FAT1: variants seen among roughly 807,000 people sequenced by gnomAD.
The protein encoded by FAT1 is protocadherin Fat 1.
Under a neutral mutation model 329.8 loss-of-function variants are expected in FAT1, and 171 were observed. The observed-to-expected ratio is 0.52, with a 90% CI of 0.46 to 0.59. The LOEUF (loss-of-function observed/expected upper bound fraction) is 0.59. Ranked by LOEUF, FAT1 falls within the 20% of genes least tolerant of loss-of-function variation. The pLI, the probability that FAT1 is intolerant of heterozygous loss-of-function variation, is 0.00. For synonymous variants in FAT1, 2,233 were observed against 2,228.6 expected (o/e 1.00, Z -0.06); for missense variants, 5,672 against 5,774.4 (o/e 0.98, Z 0.57).
chr4:186,604,515 G>A lies in FAT1; in HGVS notation c.10410C>T (p.Ser3470=), dbSNP rs2126439564. 1.2e-6 allele frequency: 2 copies of A among 1,613,716 alleles called. No individual in the cohort carries two copies. Among genetic ancestry groups the A allele is most frequent in the Admixed American group, 1.7e-5 (1 of 60,018 alleles). Residue 3470 remains serine (S), a synonymous_variant, in exon 18 of 27, where the codon TCC becomes TCT. Coordinates refer to ENST00000441802, the MANE Select transcript of FAT1 (RefSeq NM_005245.4). ...LQLVVTDEDS[S]HNGPPFFFTI... is the part of the protein sequence containing the mutation. ...TAAAGAAGAAGGGTGGACCGTTATG[G>A]GAAGAATCCTCATCTGTTACTACCA... is the stretch of plus-strand genomic sequence containing the variant.
chr4:186,724,133 C>G (rs1040797063), upstream of FAT1, among the ~76,000 whole-genome samples: 7 of 127,280 alleles, frequency 5.5e-5, no homozygotes, highest in African/African-American at 2.3e-4. The surrounding 1 kb of genome is among the most constrained non-coding windows in gnomAD (Gnocchi z 5.3). Context: ...AGGCGCTGTG[C>G]AAGGAATTGG....
chr4:186,635,627 A>G (rs1298935787), intron 6 of FAT1, among the ~76,000 whole-genome samples: 1 of 152,200 alleles, frequency 6.6e-6, no homozygotes, highest in Non-Finnish European at 1.5e-5. Flanking sequence ...AAATGTTCCA[A>G]TCATATTCAC....
intron 2 of FAT1, among the ~76,000 whole-genome samples, chr4:186,674,673 G>A (rs1420099619): frequency 1.3e-5 from 2 of 152,066 alleles, no homozygotes; most frequent in Non-Finnish European, 2.9e-5. Flanking sequence ...AAGAAAAAAG[G>A]ATATTAAAAA....
rs1306031182 is a variant in FAT1 at position 186,621,223 on chromosome 4, C to G, written c.5363G>C (p.Arg1788Thr). 32 of 1,613,900 alleles carry G rather than the reference C, an allele frequency of 2.0e-5. No homozygotes were observed. The highest frequency in any genetic ancestry group is 2.7e-5 in the Non-Finnish European group (32 of 1,179,880). The change falls in exon 10 of 27, where the codon AGG (arginine) becomes ACG (threonine). Residue 1788 changes from arginine (R) to threonine (T), a missense_variant. This residue lies in a region of FAT1 where 3,966 missense variants were observed against 3,915.2 expected (regional missense o/e 1.01). Coordinates refer to ENST00000441802, the MANE Select transcript of FAT1 (RefSeq NM_005245.4). ...TGCTCGAATCACCAGTGGGACATTC[C>G]TGTCTGTTAGGACCACGCTGTTAAT... ...ASINSVVLTD[R>T]NVPLVIRAAD...
intron 11 of FAT1, among the ~76,000 whole-genome samples, chr4:186,616,431 C>A (rs1443909997): frequency 1.3e-5 from 2 of 152,096 alleles, no homozygotes; most frequent in African/African-American, 2.4e-5. Flanking sequence ...TTACTGCCCC[C>A]CGAAGCTGAG....
chr4:186,722,487 T>C (rs1350851203), intron 1 of FAT1, among the ~76,000 whole-genome samples: 5 of 152,222 alleles, frequency 3.3e-5, no homozygotes, highest in Non-Finnish European at 4.4e-5. Context: ...ACATCTTAAA[T>C]ACAAAGGAAT....
At position 186,620,046 on chromosome 4, in the gene FAT1, A is replaced by C. The variant is rs781503430; in HGVS notation, c.6540T>G (p.Pro2180=). Residue 2180 remains proline, a synonymous_variant, in exon 10 of 27, where the codon CCT becomes CCG. Coordinates refer to ENST00000441802, the MANE Select transcript of FAT1 (RefSeq NM_005245.4). ...CACTGTAGAAAGGTTTTTCAAACAC[A>C]GGCATGGCTTTATTCATGACAGTGA... ...VPITVMNKAM[P]VFEKPFYSAE... 1 of 1,614,042 alleles carries C rather than the reference A, an allele frequency of 6.2e-7. No homozygotes were observed. Among genetic ancestry groups the C allele is most frequent in the Admixed American group, 1.7e-5 (1 of 60,028 alleles).
chr4:186,708,465 C>G lies in FAT1; in HGVS notation c.1363G>C (p.Gly455Arg), dbSNP rs369596981. The G allele has an allele frequency of 6.2e-7, 1 of 1,613,968 alleles. No homozygotes were observed. The highest frequency in any genetic ancestry group is 8.5e-7 in the Non-Finnish European group (1 of 1,179,884). Residue 455 changes from glycine (G) to arginine (R), a missense_variant, in exon 2 of 27, where the codon GGT (glycine) becomes CGT (arginine). Gly to Arg is a moderately radical substitution (Grantham distance 125). Coordinates refer to ENST00000441802, the MANE Select transcript of FAT1 (RefSeq NM_005245.4). ...AATTCAGGGGGATTGCTATTTGCAC[C>G]TAAGACTTTCACCAAGACCTTGGTG... is the stretch of plus-strand genomic sequence containing the variant. ...ASTKVLVKVL[G>R]ANSNPPEFTQ...
rs1385286181 is a variant in FAT1, at chr4:186,617,158, A to T, written c.8922T>A (p.Asn2974Lys). The T allele has an allele frequency of 8.7e-6, 14 of 1,613,378 alleles. No homozygotes were observed. The highest frequency in any genetic ancestry group is 1.1e-5 in the Non-Finnish European group (13 of 1,179,646). Residue 2974 changes from asparagine to lysine, a missense_variant, in exon 11 of 27, where the codon AAT (asparagine) becomes AAA (lysine). Coordinates refer to ENST00000441802, the MANE Select transcript of FAT1 (RefSeq NM_005245.4). ...LGQFAVETIQ[N>K]EWKVYVKKPL... ...GTTTCTTCACATATACCTTCCATTCATTCTGTATAGTTTCAACGGCAAACT... is the reference window on the plus strand; with the variant it reads ...GTTTCTTCACATATACCTTCCATTCTTTCTGTATAGTTTCAACGGCAAACT...
Position 186,588,911 on chromosome 4 carries a change from C to G in FAT1, c.13448G>C (p.Arg4483Thr), listed in dbSNP as rs202146434. ...SLGSSSRNRQ[R>T]FNLNQYLPNF... The stretch of plus-strand genomic sequence containing the variant: ...GGGCAAATACTGATTCAAGTTGAAC[C>G]TCTGCCGGTTTCTTGATGAAGAACC... Residue 4483 changes from arginine to threonine, a missense_variant, in exon 27 of 27, where the codon AGG becomes ACG. Transcript: ENST00000441802. 1 of 1,613,966 alleles carries G rather than the reference C, an allele frequency of 6.2e-7. No individual in the cohort carries two copies. The highest frequency in any genetic ancestry group is 2.2e-5 in the East Asian group (1 of 44,872).
intron 9 of FAT1, among the ~76,000 whole-genome samples, chr4:186,627,411 A>C (rs1183413587): frequency 6.6e-6 from 1 of 152,246 alleles, no homozygotes; most frequent in Non-Finnish European, 1.5e-5. Context: ...TGGAAAACAG[A>C]CCAAAAACAT....
At chr4:186,610,691 TAATTTATATAAATATA>T (rs1300599171) in intron 14 of FAT1, among the ~76,000 whole-genome samples, 2 of 65,390 alleles carry the variant, frequency 3.1e-5, no homozygotes, top group East Asian at 8.7e-4. Flanking sequence ...ATAAATTATA[TAATTTATATAAATATA>T]AATTTATATA....
rs571059978 is a variant in FAT1, at chr4:186,604,109, C to T, written c.10549-132G>A. The stretch of plus-strand genomic sequence containing the variant: ...GATACTCATTTCTCCACACAAGAAA[C>T]GTATCAAAGAAAAGGACAAATTTCT... On this transcript the variant is annotated intron_variant, in intron 18 of 26. Coordinates refer to ENST00000441802, the MANE Select transcript of FAT1 (RefSeq NM_005245.4). 2.7e-4 allele frequency: 201 copies of T among 746,736 alleles called. 1 individual carries two copies. In the East Asian group the frequency reaches 4.5e-3, roughly 17 times the overall value. The allele number at this position is 746,736 out of a possible 1,614,324, so 46.3% of individuals were successfully genotyped here. A position where few individuals can be genotyped will look rare whatever the true frequency, so the allele number is the denominator to read the frequency against.
rs1352445175 is a variant in FAT1 at position 186,621,186 on chromosome 4, A to G, written c.5400T>C (p.Asp1800=). 9 of 1,614,032 alleles carry G rather than the reference A, an allele frequency of 5.6e-6. No homozygotes were observed. Among genetic ancestry groups the G allele is most frequent in the Non-Finnish European group, 7.6e-6 (9 of 1,179,900 alleles). Residue 1800 remains aspartate (D), a synonymous_variant, in exon 10 of 27, where the codon GAT becomes GAC. Coordinates refer to ENST00000441802, the MANE Select transcript of FAT1 (RefSeq NM_005245.4). ...VPLVIRAADA[D]KDSNALLVYH... is the part of the protein sequence containing the mutation. ...ATACAAGCAAAGCATTTGAGTCTTT[A>G]TCAGCATCAGCTGCTCGAATCACCA...
intron 2 of FAT1, among the ~76,000 whole-genome samples, chr4:186,693,808 G>A (rs1328101929): frequency 6.6e-6 from 1 of 152,154 alleles, no homozygotes; most frequent in South Asian, 2.1e-4. Context: ...ACAATAAAAC[G>A]TTTCAGTTCA....
rs1310725316 is a variant in FAT1, at chr4:186,596,560, C to G, written c.12980G>C (p.Ser4327Thr). ...PSDSDSIQKPSWDFDYDTKVV... is the reference protein window; with the variant it reads ...PSDSDSIQKPTWDFDYDTKVV... ...CTTACTGTCATAGTCAAAGTCCCAG[C>G]TAGGCTTCTGGATGGAGTCGCTGTC... Residue 4327 changes from serine to threonine, a missense_variant, in exon 25 of 27, where the codon AGC becomes ACC. Around this residue, in one of 2 missense-constraint regions of FAT1, gnomAD observed 1,706 missense variants for 1,859.1 expected, o/e 0.92. Transcript: ENST00000441802. The surrounding 1 kb of genome is among the most constrained non-coding windows in gnomAD (Gnocchi z 4.7). 6.2e-7 allele frequency: 1 copy of G among 1,612,872 alleles called. No individual in the cohort carries two copies. Among genetic ancestry groups the G allele is most frequent in the East Asian group, 2.2e-5 (1 of 44,860 alleles).
rs772428197 is a variant in FAT1 at position 186,709,391 on chromosome 4, C to T, written c.437G>A (p.Arg146Lys). 5 of 1,613,946 alleles carry T rather than the reference C, an allele frequency of 3.1e-6. No homozygotes were observed. The highest frequency in any genetic ancestry group is 4.2e-6 in the Non-Finnish European group (5 of 1,179,894). The stretch of plus-strand genomic sequence containing the variant: ...GTATGAGGTGGGTGAGAATAACGGT[C>T]TCAAGTCATTTGTATCCAGCACCTG... Reference protein sequence around the residue: ...RVQVLDTNDLRPLFSPTSYSV... With the variant: ...RVQVLDTNDLKPLFSPTSYSV... The change falls in exon 2 of 27, where the codon AGA (arginine) becomes AAA (lysine). Residue 146 changes from arginine (R) to lysine (K), a missense_variant. This residue lies in a region of FAT1 where 3,966 missense variants were observed against 3,915.2 expected (regional missense o/e 1.01). Coordinates refer to ENST00000441802, the MANE Select transcript of FAT1 (RefSeq NM_005245.4).
At chr4:186,650,463 CTT>C (rs1379006886) in intron 3 of FAT1, among the ~76,000 whole-genome samples, 1 of 151,440 alleles carries the variant, frequency 6.6e-6, no homozygotes, top group Non-Finnish European at 1.5e-5. Flanking sequence ...AGAACAGACT[CTT>C]TGATTCTGAG....
rs768792721 is a variant in FAT1, at chr4:186,708,730, CT to C, written c.1097del (p.Lys366SerfsTer11). On this transcript the variant is annotated frameshift_variant, in exon 2 of 27. Transcript: ENST00000441802. LOFTEE classifies it high-confidence loss of function. ...CTGCTCTGTAAACATCCTTTTCAAA[CT>C]TGACTGGCCCGGCTTTGAACTGTGG... ...TSPQFKAGPV[K>X]FEKDVYRAEI... 6.2e-7 allele frequency: 1 copy of C among 1,613,970 alleles called. No homozygotes were observed. The highest frequency in any genetic ancestry group is 2.2e-5 in the East Asian group (1 of 44,882).
Sources: allele counts gnomAD v4.1 joint callset (sites outside exome capture counted in the v4.1 genomes callset), GRCh38; gene constraint gnomAD v4.1.1; regional missense constraint gnomAD v4.1.1; non-coding constraint Gnocchi (gnomAD v3.1); transcripts MANE v1.5; gene names NCBI Gene and HGNC (gene_info 2026-07-23, HGNC 2026-07-21).